Variants in XRCC5 observed in about 807,000 individuals in gnomAD.
XRCC5 encodes the protein DNA repair protein Ku80.
Under a neutral mutation model 95.7 loss-of-function variants are expected in XRCC5, and 12 were observed. The ratio of observed to expected loss-of-function variants is 0.13; its 90% CI spans 0.08 to 0.20. The LOEUF (loss-of-function observed/expected upper bound fraction) is 0.20. XRCC5 is among the 10% of genes least tolerant of loss of function. The pLI is 1.00. For missense variants in XRCC5, 595 were observed against 873.9 expected (o/e 0.68, Z 4.02); for synonymous variants, 281 against 290.3 (o/e 0.97, Z 0.33).
intron 5 of XRCC5, among the ~76,000 whole-genome samples, chr2:216,120,816 A>G (rs1053569319): frequency 4.6e-5 from 7 of 151,998 alleles, no homozygotes; most frequent in African/African-American, 1.7e-4. Flanking sequence ...GCTCACTGCA[A>G]CCTCCGCCTC....
intron 12 of XRCC5, among the ~76,000 whole-genome samples, chr2:216,139,596 A>C (rs368019821): frequency 2.0e-5 from 3 of 152,182 alleles, no homozygotes; most frequent in African/African-American, 7.2e-5. Context: ...GACACAGCCA[A>C]TTCTGGCTCA....
At chr2:216,124,723 T>C (rs1574455276) in intron 6 of XRCC5, among the ~76,000 whole-genome samples, 1 of 152,342 alleles carries the variant, frequency 6.6e-6, no homozygotes, top group South Asian at 2.1e-4. Flanking sequence ...TTTACCACTT[T>C]GTAGATCTGT....
chr2:216,175,922 C>T (rs1412772292), intron 16 of XRCC5: 1 of 386,982 alleles, frequency 2.6e-6, no homozygotes, highest in African/African-American at 2.2e-5. Flanking sequence ...AAACAATTTT[C>T]TCAGCCGCGC....
At chr2:216,126,698 GTATT>G (rs1321065630) in intron 7 of XRCC5, among the ~76,000 whole-genome samples, 4 of 152,062 alleles carry the variant, frequency 2.6e-5, no homozygotes, top group African/African-American at 9.7e-5. Context: ...ATGTTTTTAT[GTATT>G]TAGTTTTTTT....
chr2:216,146,742 A>T (rs551601742), intron 13 of XRCC5, among the ~76,000 whole-genome samples: 207 of 152,288 alleles, frequency 1.4e-3, no homozygotes, highest in South Asian at 2.5e-3. Context: ...ATGAGGTGGC[A>T]TGCTGTGTAG....
At chr2:216,172,400 T>A (rs1306533851) in intron 16 of XRCC5, among the ~76,000 whole-genome samples, 1 of 151,902 alleles carries the variant, frequency 6.6e-6, no homozygotes, top group East Asian at 1.9e-4. Flanking sequence ...TTTGTTCTTT[T>A]CTAAAAATGT....
At chr2:216,112,451 G>C (rs536115619) in intron 1 of XRCC5, among the ~76,000 whole-genome samples, 1 of 152,316 alleles carries the variant, frequency 6.6e-6, no homozygotes, top group South Asian at 2.1e-4. Context: ...TTATCTGTCT[G>C]TGTCCTCTAC....
At chr2:216,120,410 G>T (rs890050330) in intron 5 of XRCC5, among the ~76,000 whole-genome samples, 16 of 152,086 alleles carry the variant, frequency 1.1e-4, no homozygotes, top group African/African-American at 3.4e-4. Flanking sequence ...TTATTTGGTT[G>T]TATTTTTTTC....
chr2:216,146,362 A>G (rs914245740), intron 13 of XRCC5, among the ~76,000 whole-genome samples: 4 of 148,624 alleles, frequency 2.7e-5, no homozygotes, highest in African/African-American at 7.9e-5. Flanking sequence ...TTTAGAATAG[A>G]AACTTTCAGC....
At chr2:216,143,800 T>TG (rs201980381) in intron 13 of XRCC5, among the ~76,000 whole-genome samples, 11,212 of 151,910 alleles carry the variant, frequency 0.074, 1,368 homozygotes, top group African/African-American at 0.25. Flanking sequence ...CTCTGTCTCC[T>TG]GGTTCACACC....
At chr2:216,114,020 C>T (rs768715415) in intron 2 of XRCC5, among the ~76,000 whole-genome samples, 4 of 152,082 alleles carry the variant, frequency 2.6e-5, no homozygotes, top group Non-Finnish European at 5.9e-5. Context: ...AGAGAAAGAA[C>T]GGATGGTGGC....
At chr2:216,138,213 T>TA (rs747103374) in intron 12 of XRCC5, 34 bp downstream of exon 12, 12 of 1,566,822 alleles carry the variant, frequency 7.7e-6, no homozygotes, top group Non-Finnish European at 9.6e-6. Flanking sequence ...ACTCATTGAC[T>TA]ACACACACTG....
intron 17 of XRCC5, 52 bp downstream of exon 17, chr2:216,190,386 A>C: frequency 6.7e-7 from 1 of 1,489,896 alleles, no homozygotes. Context: ...CGACTATCAC[A>C]GGGAAAGAGG....
chr2:216,202,009 T>A (rs1399539357), intron 19 of XRCC5, among the ~76,000 whole-genome samples: 1 of 152,184 alleles, frequency 6.6e-6, no homozygotes, highest in Non-Finnish European at 1.5e-5. Flanking sequence ...AAATGTAGGA[T>A]TTTTGTTGCT....
chr2:216,162,828 C>G (rs1044855858), intron 16 of XRCC5, among the ~76,000 whole-genome samples: 3 of 152,170 alleles, frequency 2.0e-5, no homozygotes, highest in African/African-American at 7.2e-5. Flanking sequence ...GGTCACTTTT[C>G]CTTATCAGGT....
intron 3 of XRCC5, chr2:216,117,075 A>G: frequency 3.7e-6 from 2 of 539,090 alleles, no homozygotes; most frequent in African/African-American, 1.9e-5. Context: ...GGTGATACTG[A>G]GAGGTTGGGA....
At chr2:216,194,679 C>T (rs537624018) in intron 18 of XRCC5, among the ~76,000 whole-genome samples, 2 of 152,254 alleles carry the variant, frequency 1.3e-5, no homozygotes, top group Admixed American at 1.3e-4. Flanking sequence ...TTTTAAAAAT[C>T]TCCAGCTCAG....
At chr2:216,153,168 A>G (rs1688776866) in intron 14 of XRCC5, among the ~76,000 whole-genome samples, 1 of 152,236 alleles carries the variant, frequency 6.6e-6, no homozygotes, top group African/African-American at 2.4e-5. Context: ...CTCATCTTTC[A>G]AAAGACACTA....
chr2:216,182,808 C>T (rs1322376045), intron 16 of XRCC5, among the ~76,000 whole-genome samples: 1 of 152,018 alleles, frequency 6.6e-6, no homozygotes, highest in African/African-American at 2.4e-5. Context: ...CTGCTGTATG[C>T]CCTATAAATA....
Sources: allele counts gnomAD v4.1 joint callset (sites outside exome capture counted in the v4.1 genomes callset), GRCh38; gene constraint gnomAD v4.1.1; transcripts MANE v1.5; gene names NCBI Gene and HGNC (gene_info 2026-07-23, HGNC 2026-07-21).